OTUD7A: variants seen among roughly 807,000 people sequenced by gnomAD.
OTUD7A encodes OTU domain-containing protein 7A.
Under a neutral mutation model 65.7 loss-of-function variants are expected in OTUD7A, and 12 were observed. The observed-to-expected ratio is 0.18, with a 90% confidence interval of 0.12 to 0.30. OTUD7A has a LOEUF of 0.30. OTUD7A is among the 10% of genes least tolerant of loss of function. The pLI, the probability that OTUD7A is intolerant of heterozygous loss-of-function variation, is 1.00. For missense variants in OTUD7A, 1,148 were observed against 1,304.8 expected, an observed-to-expected ratio of 0.88 and a Z score of 1.85; for synonymous variants, 641 against 586.3, an observed-to-expected ratio of 1.09 and a Z score of -1.35.
chr15:31,686,734 C>T (rs1396079375), intron 1 of OTUD7A, among the ~76,000 whole-genome samples: 1 of 152,214 alleles, frequency 6.6e-6, no homozygotes, highest in Admixed American at 6.5e-5. Flanking sequence ...GATATTGCCC[C>T]AGAAAGCAGA....
chr15:31,618,311 G>T (rs952815912), intron 3 of OTUD7A, among the ~76,000 whole-genome samples: 1 of 152,190 alleles, frequency 6.6e-6, no homozygotes, highest in Non-Finnish European at 1.5e-5. Flanking sequence ...GGATGGCTAG[G>T]TCAAATGGTA....
Position 31,792,111 on chromosome 15 carries a change from C to T in OTUD7A, c.-100+78396G>A, listed in dbSNP as rs530852850. ...CCAAAAATCAAAGCCCTCCGCATTT[C>T]TCGTCCGCTCCTCAGCAACTATGTG... On this transcript the variant is annotated intron_variant, in intron 1 of 12. Transcript: ENST00000307050. Among the ~76,000 whole-genome samples the T allele has an allele frequency of 1.1e-4, 17 of 152,322 alleles. 1 individual carries two copies. Among genetic ancestry groups the T allele is most frequent in the Middle Eastern group, 6.8e-3 (2 of 294 alleles).
intron 3 of OTUD7A, among the ~76,000 whole-genome samples, chr15:31,643,156 T>G (rs930894736): frequency 3.5e-5 from 4 of 114,564 alleles, no homozygotes; most frequent in Non-Finnish European, 8.0e-5. Context: ...TTTAATTATT[T>G]TTTCTTTTTT....
At chr15:31,552,273 C>G (rs1010000304) in intron 5 of OTUD7A, among the ~76,000 whole-genome samples, 6 of 152,154 alleles carry the variant, frequency 3.9e-5, no homozygotes, top group African/African-American at 1.2e-4. Context: ...AGCCTCTTTT[C>G]TTTATAAATT....
intron 3 of OTUD7A, among the ~76,000 whole-genome samples, chr15:31,631,562 G>A (rs1242403959): frequency 6.6e-6 from 1 of 152,136 alleles, no homozygotes; most frequent in Non-Finnish European, 1.5e-5. Context: ...TGATAATTAT[G>A]TGTCTTGGAG....
At chr15:31,601,422 C>T (rs193256030) in intron 3 of OTUD7A, among the ~76,000 whole-genome samples, 5 of 151,838 alleles carry the variant, frequency 3.3e-5, no homozygotes, top group East Asian at 1.9e-4. Flanking sequence ...TGAGAACAGA[C>T]GCAACGTACC....
chr15:31,598,610 T>TA (rs933964124), intron 3 of OTUD7A, among the ~76,000 whole-genome samples: 4 of 151,012 alleles, frequency 2.6e-5, no homozygotes, highest in Non-Finnish European at 5.9e-5. Context: ...TTGCAGGAGG[T>TA]TTTTTTTTCC....
At chr15:31,760,488 A>G (rs944398425) in intron 1 of OTUD7A, among the ~76,000 whole-genome samples, 13 of 152,182 alleles carry the variant, frequency 8.5e-5, no homozygotes, top group African/African-American at 3.1e-4. Flanking sequence ...CTTTCACTGG[A>G]ATTAGAATTT....
chr15:31,510,559 T>TATATATGTATATCTATATGTA (rs1566891702), intron 8 of OTUD7A, among the ~76,000 whole-genome samples: 4 of 105,502 alleles, frequency 3.8e-5, no homozygotes, highest in African/African-American at 1.3e-4. Context: ...ATATGTAACA[T>TATATATGTATATCTATATGTA]ACATATGTAT....
At chr15:31,666,161 G>T (rs1595696299) in intron 1 of OTUD7A, among the ~76,000 whole-genome samples, 2 of 152,196 alleles carry the variant, frequency 1.3e-5, no homozygotes, top group East Asian at 3.9e-4. Flanking sequence ...TTAGGGTGAG[G>T]CTAGCTTCAT....
At chr15:31,535,979 C>T (rs552486274) in intron 5 of OTUD7A, among the ~76,000 whole-genome samples, 12 of 152,228 alleles carry the variant, frequency 7.9e-5, no homozygotes, top group South Asian at 6.2e-4. Context: ...CGCGCCTGGC[C>T]GGGTTCTGTT....
intron 3 of OTUD7A, among the ~76,000 whole-genome samples, chr15:31,610,593 T>TA (rs1890373610): frequency 1.2e-5 from 1 of 81,018 alleles, no homozygotes; most frequent in Non-Finnish European, 2.1e-5. Context: ...AAAAATGAAA[T>TA]TATATATATA....
At chr15:31,518,874 A>T (rs2041900209) in intron 8 of OTUD7A, among the ~76,000 whole-genome samples, 1 of 152,130 alleles carries the variant, frequency 6.6e-6, no homozygotes, top group South Asian at 2.1e-4. Flanking sequence ...TTTACAAAAG[A>T]CTCTCCAAAG....
In OTUD7A at chr15:31,735,464, G is replaced by A. The variant is rs554465042; in HGVS notation, c.-99-78387C>T. Among the ~76,000 whole-genome samples the A allele has an allele frequency of 7.9e-4, 119 of 151,424 alleles. 1 individual carries two copies. The highest frequency in any genetic ancestry group is 5.2e-3 in the Admixed American group (79 of 15,180). ...AATTGCTAGAACCTGGGAGGCAGAG[G>A]TTGCAGTGAGCCAAGATTGAGATTG... is the stretch of plus-strand genomic sequence containing the variant. On this transcript the variant is annotated intron_variant, in intron 1 of 12. Transcript: ENST00000307050.
At chr15:31,795,813 T>C (rs879226825) in intron 1 of OTUD7A, among the ~76,000 whole-genome samples, 1 of 152,186 alleles carries the variant, frequency 6.6e-6, no homozygotes, top group Non-Finnish European at 1.5e-5. Context: ...CTCAGTTTCC[T>C]CTTTGTAAAG....
At chr15:31,864,796 A>C (rs200097769) in intron 1 of OTUD7A, among the ~76,000 whole-genome samples, 47 of 145,108 alleles carry the variant, frequency 3.2e-4, no homozygotes, top group African/African-American at 1.1e-3. Context: ...CACACACACA[A>C]GTCAAAGCAA....
At chr15:31,633,091 C>T (rs930225748) in intron 3 of OTUD7A, among the ~76,000 whole-genome samples, 9 of 152,230 alleles carry the variant, frequency 5.9e-5, no homozygotes, top group Admixed American at 3.3e-4. Context: ...CAATGCCTTG[C>T]CCTGCTTCGG....
chr15:31,489,183 G>C lies in OTUD7A; in HGVS notation c.1172-1617C>G, dbSNP rs528222088. 4.6e-5 allele frequency among the ~76,000 whole-genome samples: 7 copies of C among 152,306 alleles called. No homozygotes were observed. In the East Asian group the frequency reaches 1.3e-3, roughly 29 times the overall value. On this transcript the variant is annotated intron_variant, in intron 10 of 12. Coordinates refer to ENST00000307050, the MANE Select transcript of OTUD7A (RefSeq NM_001382637.1). ...ACTCATGGGGCAGGGGGTGGCACAG[G>C]CTCTCCCCATCCACAATGTTTCCCA...
intron 8 of OTUD7A, among the ~76,000 whole-genome samples, chr15:31,507,573 A>C (rs527796647): frequency 6.6e-6 from 1 of 152,280 alleles, no homozygotes; most frequent in African/African-American, 2.4e-5. Context: ...TTGTGGAGAG[A>C]GAAAGAACAA....
Sources: gnomAD v4.1 joint callset for allele counts (sites outside exome capture counted in the v4.1 genomes callset) on GRCh38, gnomAD v4.1.1 for gene constraint, MANE v1.5 for transcripts, NCBI Gene and HGNC (gene_info 2026-07-23, HGNC 2026-07-21) for gene names.